Variants in ANKH observed in about 807,000 individuals in gnomAD.
ANKH encodes the protein mineralization regulator ANKH.
A neutral mutation model predicts 49.0 loss-of-function variants in ANKH; 15 were observed. That is an observed-to-expected ratio of 0.31 (90% CI 0.20 to 0.47). The LOEUF (loss-of-function observed/expected upper bound fraction) is 0.47. Ranked by LOEUF, ANKH falls within the 20% of genes least tolerant of loss-of-function variation. The probability of loss-of-function intolerance (pLI) is 1.00; values close to 1 mark genes in which losing one functional copy is unlikely to be tolerated. For missense variants in ANKH, 429 were observed against 652.0 expected (o/e 0.66, Z 3.72); for synonymous variants, 273 against 260.0 (o/e 1.05, Z -0.48).
intron 1 of ANKH, among the ~76,000 whole-genome samples, chr5:14,778,430 C>G (rs1481040366): frequency 6.6e-6 from 1 of 152,140 alleles, no homozygotes; most frequent in Middle Eastern, 3.2e-3. Flanking sequence ...CTGGTCAGCC[C>G]ACCCAATGCC....
At chr5:14,746,208 C>T (rs561432740) in intron 6 of ANKH, among the ~76,000 whole-genome samples, 41 of 151,792 alleles carry the variant, frequency 2.7e-4, no homozygotes, top group South Asian at 8.3e-4. Flanking sequence ...ACAAAGTGGA[C>T]GTGAAACGAG....
chr5:14,764,272 C>T (rs1019111141), intron 2 of ANKH, among the ~76,000 whole-genome samples: 3 of 151,960 alleles, frequency 2.0e-5, no homozygotes, highest in Non-Finnish European at 2.9e-5. Flanking sequence ...CAGTAGTGTG[C>T]GGTGGGAGTG....
At chr5:14,857,032 G>C (rs929666380) in intron 1 of ANKH, among the ~76,000 whole-genome samples, 1 of 152,162 alleles carries the variant, frequency 6.6e-6, no homozygotes. Context: ...CTGGAACCCT[G>C]CAGGAACTGA....
Position 14,725,324 on chromosome 5 carries a change from G to A in ANKH, c.1012-8489C>T, listed in dbSNP as rs1737790626. 6.6e-6 allele frequency among the ~76,000 whole-genome samples: 1 copy of A among 152,226 alleles called. No homozygotes were observed. Among genetic ancestry groups the A allele is most frequent in the African/African-American group, 2.4e-5 (1 of 41,456 alleles). The stretch of plus-strand genomic sequence containing the variant: ...CCAGAGTGCTGGTCTGCCAACTGTG[G>A]ACTGGTCCACACTGAGATAAGCAGT... On this transcript the variant is annotated intron_variant, in intron 8 of 11. Coordinates refer to ENST00000284268, the MANE Select transcript of ANKH (RefSeq NM_054027.6). The surrounding 1 kb of genome is among the most constrained non-coding windows in gnomAD (Gnocchi z 4.0).
chr5:14,750,445 A>G (rs1036491975), intron 5 of ANKH, among the ~76,000 whole-genome samples: 2 of 152,134 alleles, frequency 1.3e-5, no homozygotes, highest in African/African-American at 2.4e-5. Flanking sequence ...TCCTTCTCCC[A>G]GTGTTCGTGG....
At chr5:14,721,481 C>T (rs73048831) in intron 8 of ANKH, among the ~76,000 whole-genome samples, 11,065 of 152,250 alleles carry the variant, frequency 0.073, 416 homozygotes, top group African/African-American at 0.098. Context: ...ATCAAAGTCT[C>T]CTTTTTCTTC....
At chr5:14,828,784 A>G (rs1315755516) in intron 1 of ANKH, among the ~76,000 whole-genome samples, 1 of 152,228 alleles carries the variant, frequency 6.6e-6, no homozygotes, top group African/African-American at 2.4e-5. Context: ...CACTATATCC[A>G]AATCAGAGGG....
chr5:14,782,501 T>TAATCTCTAA (rs1739839343), intron 1 of ANKH, among the ~76,000 whole-genome samples: 1 of 152,168 alleles, frequency 6.6e-6, no homozygotes, highest in African/African-American at 2.4e-5. Context: ...TTACTTTGAA[T>TAATCTCTAA]TAGAGATTAT....
chr5:14,812,936 C>T (rs757082228), intron 1 of ANKH, among the ~76,000 whole-genome samples: 3 of 152,144 alleles, frequency 2.0e-5, no homozygotes, highest in East Asian at 3.8e-4. Context: ...AAGCAGAGTA[C>T]TACATTTTCT....
intron 8 of ANKH, among the ~76,000 whole-genome samples, chr5:14,719,494 G>A (rs1379215831): frequency 6.6e-6 from 1 of 152,204 alleles, no homozygotes; most frequent in African/African-American, 2.4e-5. Context: ...ATCTTCCCTG[G>A]AGCAGGGAGA....
intron 1 of ANKH, among the ~76,000 whole-genome samples, chr5:14,809,713 C>T (rs895073049): frequency 1.3e-4 from 20 of 152,206 alleles, no homozygotes; most frequent in African/African-American, 4.8e-4. Context: ...TCAATTCTCA[C>T]CTTTCTGCAT....
At chr5:14,733,727 C>A (rs56350972) in intron 8 of ANKH, among the ~76,000 whole-genome samples, 1,700 of 152,262 alleles carry the variant, frequency 0.011, 35 homozygotes, top group African/African-American at 0.039. Context: ...AGTGAATGGC[C>A]GGTCATCGGG....
chr5:14,812,814 G>A (rs1292359461), intron 1 of ANKH, among the ~76,000 whole-genome samples: 5 of 152,140 alleles, frequency 3.3e-5, no homozygotes, highest in East Asian at 1.9e-4. Flanking sequence ...GGAAACGATC[G>A]AAAGACAATC....
chr5:14,759,588 A>C (rs1195855643), intron 2 of ANKH, among the ~76,000 whole-genome samples: 1 of 116,076 alleles, frequency 8.6e-6, no homozygotes, highest in Admixed American at 8.9e-5. Flanking sequence ...TGTTTCTAGC[A>C]AAAAAAAAAA....
intron 1 of ANKH, among the ~76,000 whole-genome samples, chr5:14,851,832 G>A (rs900582476): frequency 1.3e-5 from 2 of 152,124 alleles, no homozygotes; most frequent in Non-Finnish European, 2.9e-5. Context: ...GCAGCTTATG[G>A]GTCTCTTAGT....
At chr5:14,792,959 A>T (rs1363876741) in intron 1 of ANKH, among the ~76,000 whole-genome samples, 2 of 111,792 alleles carry the variant, frequency 1.8e-5, no homozygotes, top group African/African-American at 3.3e-5. Flanking sequence ...CCTGGGCAAC[A>T]AGAGAGAAAC....
intron 1 of ANKH, among the ~76,000 whole-genome samples, chr5:14,852,945 C>T (rs1448470066): frequency 3.3e-5 from 5 of 152,102 alleles, no homozygotes; most frequent in African/African-American, 1.2e-4. Context: ...ATCTGTTTCA[C>T]ACCCACCCTC....
intron 1 of ANKH, among the ~76,000 whole-genome samples, chr5:14,773,190 A>G (rs1045954578): frequency 1.3e-5 from 2 of 151,988 alleles, no homozygotes; most frequent in Non-Finnish European, 2.9e-5. Context: ...TCTCTTTCCC[A>G]TCCTTCCCAA....
chr5:14,731,911 C>G (rs895995161), intron 8 of ANKH, among the ~76,000 whole-genome samples: 22 of 152,290 alleles, frequency 1.4e-4, no homozygotes, highest in African/African-American at 4.6e-4. Flanking sequence ...TGGGGAGAGA[C>G]GAGACACACG....
Sources: gnomAD v4.1 joint callset for allele counts (sites outside exome capture counted in the v4.1 genomes callset) on GRCh38, gnomAD v4.1.1 for gene constraint, Gnocchi (gnomAD v3.1) non-coding constraint, MANE v1.5 for transcripts, NCBI Gene and HGNC (gene_info 2026-07-23, HGNC 2026-07-21) for gene names.